The following CATIP variants were observed in gnomAD, a reference collection of about 807,000 sequenced individuals.
The protein encoded by CATIP is ciliogenesis-associated TTC17-interacting protein.
In CATIP, 40 loss-of-function variants were observed where a neutral mutation model predicts 42.5. That is an observed-to-expected ratio of 0.94 (90% CI 0.73 to 1.22). CATIP has a LOEUF of 1.22. Among genes scored for constraint, CATIP ranks in the 50% most tolerant of loss-of-function variants. The probability of loss-of-function intolerance (pLI) is 0.00; values close to 1 mark genes in which losing one functional copy is unlikely to be tolerated. For missense variants in CATIP, 489 were observed against 496.0 expected, an observed-to-expected ratio of 0.99 and a Z score of 0.13; for synonymous variants, 222 against 200.2, an observed-to-expected ratio of 1.11 and a Z score of -0.92.
At chr2:218,367,678 C>G in intron 9 of CATIP, 44 bp from the exon 10 acceptor site, 2 of 1,574,970 alleles carry the variant, frequency 1.3e-6, no homozygotes, top group South Asian at 1.1e-5. Context: ...TCCTGGGGCG[C>G]GGGGGTCCCG....
chr2:218,363,570 A>G (rs1288986024), intron 6 of CATIP, among the ~76,000 whole-genome samples: 3 of 152,062 alleles, frequency 2.0e-5, no homozygotes, highest in Admixed American at 2.0e-4. Context: ...TGGGAGGCCA[A>G]GGTGGGCAGA....
At chr2:218,362,002 C>T (rs1695249674) in intron 5 of CATIP, among the ~76,000 whole-genome samples, 1 of 138,782 alleles carries the variant, frequency 7.2e-6, no homozygotes. Flanking sequence ...TAGCGAGACC[C>T]CGTTCTCCAG....
intron 4 of CATIP, among the ~76,000 whole-genome samples, chr2:218,359,072 C>T (rs1205003924): frequency 6.6e-6 from 1 of 151,864 alleles, no homozygotes; most frequent in African/African-American, 2.4e-5. Flanking sequence ...GGCGCAGTGG[C>T]TCACACCTGT....
intron 5 of CATIP, 139 bp from the exon 6 acceptor site, chr2:218,362,596 C>A: frequency 1.4e-6 from 1 of 723,356 alleles, no homozygotes; most frequent in Non-Finnish European, 2.2e-6. Context: ...CACGCCATTG[C>A]ACTCCAGCCT....
intron 4 of CATIP, 103 bp from the exon 5 acceptor site, chr2:218,360,470 C>T: frequency 1.1e-6 from 1 of 883,606 alleles, no homozygotes; most frequent in Non-Finnish European, 1.8e-6. Context: ...TTTTTTAAGT[C>T]ACAATCTTTA....
chr2:218,367,918 T>G lies in CATIP; in HGVS notation c.1118T>G (p.Phe373Cys), dbSNP rs756917348. 28 of 1,610,276 alleles carry G rather than the reference T, an allele frequency of 1.7e-5. No homozygotes were observed. The South Asian group carries it at 2.9e-4, about 16-fold the overall frequency. ...GGCTCCTCCCACCGGCCCAACCCTT[T>G]CCGCTCCCTGGAGCCGGAGGGAGAC... ...ALGSSHRPNP[F>C]RSLEPEGDAR... Residue 373 changes from phenylalanine (F) to cysteine (C), a missense_variant, in exon 10 of 10, where the codon TTC becomes TGC. Coordinates refer to ENST00000289388, the MANE Select transcript of CATIP (RefSeq NM_198559.2).
At chr2:218,364,587 A>G in intron 6 of CATIP, 41 bp from the exon 7 acceptor site, 1 of 1,608,898 alleles carries the variant, frequency 6.2e-7, no homozygotes, top group Non-Finnish European at 8.5e-7. Flanking sequence ...CTTGGCGGGC[A>G]TCCACCTTAC....
rs535480151 is a variant in CATIP, at chr2:218,357,164, C to G, written c.95C>G (p.Ala32Gly). 1.2e-6 allele frequency: 2 copies of G among 1,613,726 alleles called. No homozygotes were observed. Among genetic ancestry groups the G allele is most frequent in the South Asian group, 1.1e-5 (1 of 91,054 alleles). Residue 32 changes from alanine to glycine, a missense_variant, in exon 2 of 10, where the codon GCC (alanine) becomes GGC (glycine). Ala to Gly is a moderately conservative substitution (Grantham distance 60). Coordinates refer to ENST00000289388, the MANE Select transcript of CATIP (RefSeq NM_198559.2). ...CCACTCCCAGAGGCCAATGCTGAAG[C>G]CATCGACTTCCTCAGCTCCCTCCGT... ...CLPLPEANAE[A>G]IDFLSSLHKE...
chr2:218,362,611 G>A (rs1695274464), intron 5 of CATIP, 124 bp from the exon 6 acceptor site: 6 of 903,346 alleles, frequency 6.6e-6, no homozygotes, highest in Non-Finnish European at 1.0e-5. Flanking sequence ...CAGCCTGGGT[G>A]ACAAAAAGCG....
At chr2:218,357,785 C>T (rs755262499) in intron 3 of CATIP, 51 bp downstream of exon 3, 2 of 1,539,564 alleles carry the variant, frequency 1.3e-6, no homozygotes, top group Non-Finnish European at 1.8e-6. Context: ...CTCCAACCCT[C>T]CCCTCCACCA....
chr2:218,367,510 G>C lies in CATIP; in HGVS notation c.913G>C (p.Asp305His), dbSNP rs1028313681. Reference sequence around the variant, plus strand: ...TATGGAGCTCTATTCGAAGTTCCTGGACCGGAAGGTGAGGGGAGGCTCCAC... The same window carrying C: ...TATGGAGCTCTATTCGAAGTTCCTGCACCGGAAGGTGAGGGGAGGCTCCAC... ...EDMELYSKFL[D>H]RKEELRLGHA... The change falls in exon 9 of 10, where the codon GAC becomes CAC. Residue 305 changes from aspartate to histidine, a missense_variant. Asp to His is a moderately conservative substitution (Grantham distance 81). Coordinates refer to ENST00000289388, the MANE Select transcript of CATIP (RefSeq NM_198559.2). The C allele has an allele frequency of 9.9e-6, 16 of 1,614,028 alleles. No individual in the cohort carries two copies. In the Middle Eastern group the frequency reaches 8.2e-4, roughly 83 times the overall value.
At chr2:218,360,341 G>A (rs1203727884) in intron 4 of CATIP, among the ~76,000 whole-genome samples, 4 of 151,890 alleles carry the variant, frequency 2.6e-5, no homozygotes, top group African/African-American at 7.3e-5. Context: ...TAGTAGAGAC[G>A]GGGTTTCACC....
In CATIP at chr2:218,356,923, T is replaced by C. The variant is rs750462669; in HGVS notation, c.25+14T>C. 1 of 1,613,756 alleles carries C rather than the reference T, an allele frequency of 6.2e-7. No individual in the cohort carries two copies. The highest frequency in any genetic ancestry group is 1.1e-5 in the South Asian group (1 of 91,070). On this transcript the variant is annotated intron_variant, in intron 1 of 9. Transcript: ENST00000289388. ...TTTACTCCACAGGTGGGAAGAGGACTGCTGGGGCTGGAGGCGGGGATCCTC... is the reference window on the plus strand; with the variant it reads ...TTTACTCCACAGGTGGGAAGAGGACCGCTGGGGCTGGAGGCGGGGATCCTC...
At chr2:218,361,831 A>G (rs1411156457) in intron 5 of CATIP, among the ~76,000 whole-genome samples, 1 of 152,182 alleles carries the variant, frequency 6.6e-6, no homozygotes, top group African/African-American at 2.4e-5. Flanking sequence ...TGTCCTCTTC[A>G]GAACTCTGAG....
intron 6 of CATIP, 132 bp downstream of exon 6, chr2:218,363,034 G>A (rs1360177929): frequency 2.0e-5 from 16 of 814,078 alleles, no homozygotes; most frequent in Non-Finnish European, 3.0e-5. Flanking sequence ...AGGTGGGAAT[G>A]GGGCTTTCAA....
chr2:218,360,247 G>T (rs891163632), intron 4 of CATIP, among the ~76,000 whole-genome samples: 7 of 151,976 alleles, frequency 4.6e-5, no homozygotes, highest in Non-Finnish European at 1.0e-4. Context: ...CCGCCTCCGG[G>T]TTCAAGCAAT....
At chr2:218,357,270 T>C in intron 2 of CATIP, 83 bp downstream of exon 2, 1 of 805,760 alleles carries the variant, frequency 1.2e-6, no homozygotes, top group Non-Finnish European at 2.0e-6. Flanking sequence ...TCTCTCTCTC[T>C]CTCTCTCTCT....
Position 218,367,082 on chromosome 2 carries a change from C to G in CATIP, c.814C>G (p.Pro272Ala). 6.2e-7 allele frequency: 1 copy of G among 1,613,024 alleles called. No homozygotes were observed. Among genetic ancestry groups the G allele is most frequent in the Non-Finnish European group, 8.5e-7 (1 of 1,179,106 alleles). ...SPGCCIITKM[P>A]ILREEDEIEP... ...AGGGTGCTGCATCATCACCAAGATG[C>G]CCATCTTGAGGGAAGAGGGTGAGTG... is the stretch of plus-strand genomic sequence containing the variant. The change falls in exon 8 of 10, where the codon CCC becomes GCC. Residue 272 changes from proline (P) to alanine (A), a missense_variant. Transcript: ENST00000289388.
At chr2:218,363,492 A>AC (rs1559105116) in intron 6 of CATIP, among the ~76,000 whole-genome samples, 3 of 149,110 alleles carry the variant, frequency 2.0e-5, no homozygotes, top group African/African-American at 7.5e-5. Context: ...TCTCAAAAAA[A>AC]AAAAACAAAA....
Sources: allele counts gnomAD v4.1 joint callset (sites outside exome capture counted in the v4.1 genomes callset), GRCh38; gene constraint gnomAD v4.1.1; transcripts MANE v1.5; gene names NCBI Gene and HGNC (gene_info 2026-07-23, HGNC 2026-07-21).